The following EPHA3 variants were observed in gnomAD, a reference collection of about 807,000 sequenced individuals.
EPHA3 encodes the protein EPH receptor A3.
EPHA3 carries 42 observed loss-of-function variants against 107.1 expected under a neutral mutation model. The ratio of observed to expected loss-of-function variants is 0.39; its 90% CI spans 0.31 to 0.51. The LOEUF (loss-of-function observed/expected upper bound fraction) is 0.51. Among genes scored for constraint, EPHA3 ranks in the 20% least tolerant of loss-of-function variants. The pLI is 0.78. For missense variants in EPHA3, 1,183 were observed against 1,211.2 expected, an observed-to-expected ratio of 0.98 and a Z score of 0.35; for synonymous variants, 461 against 424.8, an observed-to-expected ratio of 1.09 and a Z score of -1.05.
At chr3:89,187,890 T>C (rs1705609725) in intron 2 of EPHA3, among the ~76,000 whole-genome samples, 1 of 152,138 alleles carries the variant, frequency 6.6e-6, no homozygotes, top group Non-Finnish European at 1.5e-5. Flanking sequence ...ATGTATATTA[T>C]ATATTAATTA....
chr3:89,263,651 C>T (rs1222794273), intron 3 of EPHA3, among the ~76,000 whole-genome samples: 11 of 152,064 alleles, frequency 7.2e-5, no homozygotes, highest in Non-Finnish European at 1.5e-5. Flanking sequence ...CTCTGAAGTC[C>T]AGCCATAGTC....
intron 8 of EPHA3, among the ~76,000 whole-genome samples, chr3:89,407,584 T>C (rs186796649): frequency 1.8e-4 from 28 of 152,234 alleles, no homozygotes; most frequent in African/African-American, 6.5e-4. Flanking sequence ...CTGTCCCCAC[T>C]CTTTTAACAT....
At chr3:89,288,262 T>C (rs1156521945) in intron 3 of EPHA3, among the ~76,000 whole-genome samples, 6 of 152,160 alleles carry the variant, frequency 3.9e-5, no homozygotes, top group Non-Finnish European at 7.4e-5. Context: ...GTGCTCTCTG[T>C]GAGCAAACCA....
In EPHA3 at chr3:89,341,071, C is replaced by A. The variant is rs531563474; in HGVS notation, c.970C>A (p.Arg324=). ...AGACCCTCCATCCATGGCTTGTACCCGTGAGTAGTTTTGCTGCAACCCATG... is the reference window on the plus strand; with the variant it reads ...AGACCCTCCATCCATGGCTTGTACCAGTGAGTAGTTTTGCTGCAACCCATG... ...DKDPPSMACT[R]PPSSPRNVIS... Residue 324 remains arginine (R), a splice_region_variant and synonymous_variant, in exon 4 of 17, where the codon CGA becomes AGA. Transcript: ENST00000336596. 14 of 1,611,478 alleles carry A rather than the reference C, an allele frequency of 8.7e-6. No homozygotes were observed. Among genetic ancestry groups the A allele is most frequent in the Non-Finnish European group, 9.3e-6 (11 of 1,179,204 alleles).
intron 3 of EPHA3, among the ~76,000 whole-genome samples, chr3:89,285,251 C>A (rs1706052720): frequency 6.6e-6 from 1 of 152,220 alleles, no homozygotes; most frequent in Non-Finnish European, 1.5e-5. Flanking sequence ...AATGATCCAT[C>A]TCTCTCAATA....
chr3:89,305,604 A>G (rs1026253332), intron 3 of EPHA3, among the ~76,000 whole-genome samples: 12 of 152,146 alleles, frequency 7.9e-5, no homozygotes, highest in African/African-American at 2.9e-4. Flanking sequence ...AAATTCAGTC[A>G]TTCTATATTT....
At chr3:89,320,378 T>C (rs974966600) in intron 3 of EPHA3, among the ~76,000 whole-genome samples, 21 of 151,978 alleles carry the variant, frequency 1.4e-4, no homozygotes, top group Admixed American at 1.3e-3. Flanking sequence ...AAGTTACAGT[T>C]GACACAGAGG....
intron 3 of EPHA3, among the ~76,000 whole-genome samples, chr3:89,219,796 C>T (rs1429016547): frequency 7.2e-6 from 1 of 138,096 alleles, no homozygotes; most frequent in Admixed American, 7.5e-5. Context: ...GCAAGCTCCA[C>T]CTCCCGGGTT....
At chr3:89,443,196 G>T (rs1388659132) in intron 13 of EPHA3, among the ~76,000 whole-genome samples, 1 of 152,106 alleles carries the variant, frequency 6.6e-6, no homozygotes, top group Non-Finnish European at 1.5e-5. Context: ...TGGTGAAGTA[G>T]CTACAACATT....
intron 15 of EPHA3, among the ~76,000 whole-genome samples, chr3:89,457,048 T>G (rs929680447): frequency 1.3e-5 from 2 of 151,466 alleles, no homozygotes; most frequent in Non-Finnish European, 2.9e-5. Context: ...CGAGGGGAGG[T>G]GAGTTTACTT....
intron 2 of EPHA3, among the ~76,000 whole-genome samples, chr3:89,191,173 C>A (rs1705705777): frequency 1.3e-5 from 2 of 152,082 alleles, no homozygotes; most frequent in Admixed American, 1.3e-4. Context: ...TACATTTGAG[C>A]CACAGTGCTT....
chr3:89,440,405 T>C (rs545780489), intron 13 of EPHA3, among the ~76,000 whole-genome samples: 3 of 152,280 alleles, frequency 2.0e-5, no homozygotes, highest in Non-Finnish European at 4.4e-5. Flanking sequence ...TTTCCTAAAT[T>C]GGCAGGCAGA....
At chr3:89,252,517 C>T (rs1310830002) in intron 3 of EPHA3, among the ~76,000 whole-genome samples, 1 of 151,898 alleles carries the variant, frequency 6.6e-6, no homozygotes, top group Admixed American at 6.6e-5. Flanking sequence ...GATCTCTTAC[C>T]CCAGGGGTTC....
At chr3:89,237,908 G>A (rs1196990998) in intron 3 of EPHA3, among the ~76,000 whole-genome samples, 1 of 151,472 alleles carries the variant, frequency 6.6e-6, no homozygotes, top group African/African-American at 2.4e-5. Flanking sequence ...GAGCTCAGAA[G>A]TTTCAGGATG....
intron 3 of EPHA3, among the ~76,000 whole-genome samples, chr3:89,331,906 A>AAAAC (rs746077349): frequency 6.6e-6 from 1 of 152,114 alleles, no homozygotes; most frequent in Non-Finnish European, 1.5e-5. Context: ...GATATTTAAC[A>AAAAC]AAACAAACAA....
At chr3:89,452,451 C>T (rs1169966808) in intron 15 of EPHA3, among the ~76,000 whole-genome samples, 3 of 152,134 alleles carry the variant, frequency 2.0e-5, no homozygotes, top group Non-Finnish European at 4.4e-5. Flanking sequence ...TAATGACTAG[C>T]GATGTTGAGT....
intron 16 of EPHA3, among the ~76,000 whole-genome samples, chr3:89,473,723 G>A (rs1710452066): frequency 6.6e-6 from 1 of 152,082 alleles, no homozygotes; most frequent in East Asian, 1.9e-4. Flanking sequence ...TTGTACATTG[G>A]CACCTCCAAA....
chr3:89,182,877 C>T (rs1403407009), intron 2 of EPHA3, among the ~76,000 whole-genome samples: 2 of 151,794 alleles, frequency 1.3e-5, no homozygotes, highest in African/African-American at 4.8e-5. Flanking sequence ...TACTGGTTTT[C>T]AGAATCACAT....
intron 11 of EPHA3, among the ~76,000 whole-genome samples, chr3:89,427,030 T>C (rs1356388116): frequency 1.3e-5 from 2 of 151,854 alleles, no homozygotes; most frequent in African/African-American, 4.8e-5. Flanking sequence ...CAAAGTTTAG[T>C]TGGAATTTTG....
Sources: allele counts gnomAD v4.1 joint callset (sites outside exome capture counted in the v4.1 genomes callset), GRCh38; gene constraint gnomAD v4.1.1; transcripts MANE v1.5; gene names NCBI Gene and HGNC (gene_info 2026-07-23, HGNC 2026-07-21).